Variants in C4B observed in about 807,000 individuals in gnomAD.
C4B encodes complement C4-B.
C4B carries 6 observed loss-of-function variants against 46.2 expected under a neutral mutation model. The ratio of observed to expected loss-of-function variants is 0.13; its 90% CI spans 0.07 to 0.26. The LOEUF (loss-of-function observed/expected upper bound fraction) is 0.26, where lower values mean the gene tolerates loss of function less well. Among genes scored for constraint, C4B ranks in the 10% least tolerant of loss-of-function variants. The probability of loss-of-function intolerance (pLI) is 1.00; values close to 1 mark genes in which losing one functional copy is unlikely to be tolerated. For synonymous variants in C4B, 61 were observed against 240.1 expected, an observed-to-expected ratio of 0.25 and a Z score of 6.90; for missense variants, 119 against 560.9, an observed-to-expected ratio of 0.21 and a Z score of 7.96.
chr6:32,028,287 G>A lies in C4B; in HGVS notation c.3154+10G>A, dbSNP rs1451757727. 1.8e-6 allele frequency: 1 copy of A among 550,750 alleles called. No homozygotes were observed. Among genetic ancestry groups the A allele is most frequent in the South Asian group, 1.8e-5 (1 of 55,390 alleles). 34.1% of individuals were successfully genotyped at this position (550,750 alleles called of 1,614,324 possible). ...GATCTGATCCAGAAAGGTTCTGGGT[G>A]CAAGGGCAAGCAGGAGGGGGGCCAG... On this transcript the variant is annotated intron_variant, in intron 24 of 40. Coordinates refer to ENST00000435363, the MANE Select transcript of C4B (RefSeq NM_001002029.4).
In C4B at chr6:32,029,290, C is replaced by T. The variant is rs747039149; in HGVS notation, c.3628C>T (p.Arg1210Trp). The change falls in exon 28 of 41, where the codon CGG becomes TGG. Residue 1210 changes from arginine (R) to tryptophan (W), a missense_variant. Physicochemically the swap from Arg to Trp is moderately radical, Grantham distance 101. Coordinates refer to ENST00000435363, the MANE Select transcript of C4B (RefSeq NM_001002029.4). ...ACTGACCAAGGCCCCTGCGGACCTGCGGGGTGTTGCCCACAACAACCTCAT... is the reference window on the plus strand; with the variant it reads ...ACTGACCAAGGCCCCTGCGGACCTGTGGGGTGTTGCCCACAACAACCTCAT... ...LTLTKAPADL[R>W]GVAHNNLMAM... The T allele has an allele frequency of 3.9e-5, 61 of 1,566,878 alleles. 8 individuals are homozygous for T. The highest frequency in any genetic ancestry group is 6.8e-5 in the East Asian group (3 of 43,934).
At position 32,029,880 on chromosome 6, in the gene C4B, G is replaced by A. The variant is rs753436918; in HGVS notation, c.3910-1G>A. On this transcript the variant is annotated splice_acceptor_variant, in intron 29 of 40. Coordinates refer to ENST00000435363, the MANE Select transcript of C4B (RefSeq NM_001002029.4). LOFTEE classifies it high-confidence loss of function. ...CTTGAGTCCTGGCTCAACCTCCCTAGGACACGGTGATTGCCCTGGATGCCC... is the reference window on the plus strand; with the variant it reads ...CTTGAGTCCTGGCTCAACCTCCCTAAGACACGGTGATTGCCCTGGATGCCC... 1 of 1,583,266 alleles carries A rather than the reference G, an allele frequency of 6.3e-7. No individual in the cohort carries two copies. Among genetic ancestry groups the A allele is most frequent in the Non-Finnish European group, 8.6e-7 (1 of 1,162,134 alleles).
At chr6:32,028,382 G>C in intron 24 of C4B, 75 bp from the exon 25 acceptor site, 1 of 1,245,484 alleles carries the variant, frequency 8.0e-7, no homozygotes. Context: ...CCCCTGATGA[G>C]GATGGGGAGC....
chr6:32,029,089 G>A, intron 27 of C4B, 28 bp downstream of exon 27: 1 of 1,570,664 alleles, frequency 6.4e-7, no homozygotes, highest in Non-Finnish European at 8.7e-7. Context: ...TCTGCCCTCT[G>A]CTGGCCCCCA....
At position 32,029,230 on chromosome 6, in the gene C4B, G is replaced by A. The variant is rs1198543060; in HGVS notation, c.3568G>A (p.Ala1190Thr). The A allele has an allele frequency of 6.9e-6, 11 of 1,591,234 alleles. 1 individual carries two copies. The highest frequency in any genetic ancestry group is 8.6e-6 in the Non-Finnish European group (10 of 1,163,038). The change falls in exon 28 of 41, where the codon GCC becomes ACC. Residue 1190 changes from alanine to threonine, a missense_variant. By Grantham distance (58) the Ala-to-Thr change is moderately conservative. Coordinates refer to ENST00000435363, the MANE Select transcript of C4B (RefSeq NM_001002029.4). ...GEKASAGLLG[A>T]HAAAITAYAL... is the part of the protein sequence containing the mutation. ...GAAAGCAAGTGCTGGGCTCCTGGGT[G>A]CCCACGCAGCTGCCATCACGGCCTA...
rs760969836 is a variant in C4B, at chr6:32,028,437, G to T, written c.3155-20G>T. 2.0e-6 allele frequency: 3 copies of T among 1,499,520 alleles called. No homozygotes were observed. In the South Asian group the frequency reaches 3.5e-5, roughly 17 times the overall value. The allele number at this position is 1,499,520 out of a possible 1,614,324, so 92.9% of individuals were successfully genotyped here. A position where few individuals can be genotyped will look rare whatever the true frequency, so the allele number is the denominator to read the frequency against. On this transcript the variant is annotated intron_variant, in intron 24 of 40. Coordinates refer to ENST00000435363, the MANE Select transcript of C4B (RefSeq NM_001002029.4). ...GCAGAAGGGTGAGTGTCACCTGAGC[G>T]GCCACCTCTCCTCTCCAAGGCTACA...
In C4B at chr6:32,029,217, T is replaced by A. The variant is rs774023468; in HGVS notation, c.3555T>A (p.Ala1185=). The A allele has an allele frequency of 1.9e-6, 3 of 1,591,676 alleles. No individual in the cohort carries two copies. The highest frequency in any genetic ancestry group is 2.7e-5 in the African/African-American group (2 of 73,808). The change falls in exon 28 of 41, where the codon GCT becomes GCA. Residue 1185 remains alanine (A), a synonymous_variant. Transcript: ENST00000435363. The stretch of plus-strand genomic sequence containing the variant: ...CATTTTTGGGGGAGAAAGCAAGTGC[T>A]GGGCTCCTGGGTGCCCACGCAGCTG... ...ASSFLGEKAS[A]GLLGAHAAAI...
chr6:32,028,584 G>C lies in C4B; in HGVS notation c.3230+52G>C, dbSNP rs766096753. The C allele has an allele frequency of 7.3e-6, 11 of 1,497,216 alleles. No individual in the cohort carries two copies. The Admixed American group carries it at 2.0e-4, about 27-fold the overall frequency. 92.7% of individuals were successfully genotyped at this position (1,497,216 alleles called of 1,614,324 possible). On this transcript the variant is annotated intron_variant, in intron 25 of 40. Coordinates refer to ENST00000435363, the MANE Select transcript of C4B (RefSeq NM_001002029.4). ...TTCTGAGGGGGTCAGGGCTGGGGCA[G>C]GGGTGGGACAGAGCTGGTATGATGG...
rs1138376 is a variant in C4B, at chr6:32,029,292, G to C, written c.3630G>C (p.Arg1210=). The C allele has an allele frequency of 1.7e-4, 269 of 1,566,316 alleles. 56 individuals are homozygous for C. The highest frequency in any genetic ancestry group is 8.2e-4 in the East Asian group (36 of 43,858). ...TGACCAAGGCCCCTGCGGACCTGCG[G>C]GGTGTTGCCCACAACAACCTCATGG... is the stretch of plus-strand genomic sequence containing the variant. ...LTLTKAPADL[R]GVAHNNLMAM... Residue 1210 remains arginine, a synonymous_variant, in exon 28 of 41, where the codon CGG becomes CGC. Transcript: ENST00000435363.
At position 32,029,249 on chromosome 6, in the gene C4B, C is replaced by T. The variant is rs1479113081; in HGVS notation, c.3587C>T (p.Thr1196Met). Residue 1196 changes from threonine to methionine, a missense_variant, in exon 28 of 41, where the codon ACG (threonine) becomes ATG (methionine). Coordinates refer to ENST00000435363, the MANE Select transcript of C4B (RefSeq NM_001002029.4). ...GLLGAHAAAI[T>M]AYALTLTKAP... ...CTGGGTGCCCACGCAGCTGCCATCACGGCCTATGCCCTGACACTGACCAAG... is the reference window on the plus strand; with the variant it reads ...CTGGGTGCCCACGCAGCTGCCATCATGGCCTATGCCCTGACACTGACCAAG... 6.3e-6 allele frequency: 10 copies of T among 1,586,848 alleles called. 1 individual carries two copies. Among genetic ancestry groups the T allele is most frequent in the African/African-American group, 1.4e-5 (1 of 73,626 alleles).
In C4B at chr6:32,029,346, G is replaced by A. The variant is rs765642254; in HGVS notation, c.3676+8G>A. ...TGGCCCAGGAGACTGGAGGTGAGGG[G>A]TGAGGGGCTCTGGCAGTGAGCCTGA... On this transcript the variant is annotated splice_region_variant and intron_variant, in intron 28 of 40. Coordinates refer to ENST00000435363, the MANE Select transcript of C4B (RefSeq NM_001002029.4). The A allele has an allele frequency of 1.2e-5, 19 of 1,532,946 alleles. 2 individuals carry two copies. In the Admixed American group the frequency reaches 3.5e-4, roughly 28 times the overall value. 95.0% of individuals were successfully genotyped at this position (1,532,946 alleles called of 1,614,324 possible). A position where few individuals can be genotyped will look rare whatever the true frequency, so the allele number is the denominator to read the frequency against.
Position 32,028,809 on chromosome 6 carries a change from C to G in C4B, c.3347C>G (p.Ser1116Trp), listed in dbSNP as rs767540386. 3 of 1,561,948 alleles carry G rather than the reference C, an allele frequency of 1.9e-6. No homozygotes were observed. The highest frequency in any genetic ancestry group is 2.3e-5 in the East Asian group (1 of 43,702). Residue 1116 changes from serine to tryptophan, a missense_variant, in exon 26 of 41, where the codon TCG (serine) becomes TGG (tryptophan). Physicochemically the swap from Ser to Trp is radical, Grantham distance 177. Coordinates refer to ENST00000435363, the MANE Select transcript of C4B (RefSeq NM_001002029.4). ...CTGTCCCAGCAGCAGGCTGACGGCT[C>G]GTTCCAGGACCTCTCTCCAGTGATA... is the stretch of plus-strand genomic sequence containing the variant. ...WLLSQQQADG[S>W]FQDLSPVIHR...
intron 25 of C4B, 47 bp downstream of exon 25, chr6:32,028,579 G>A (rs1775711289): frequency 6.7e-7 from 1 of 1,503,236 alleles, no homozygotes; most frequent in Non-Finnish European, 9.1e-7. Context: ...GTCAGGGCTG[G>A]GGCAGGGGTG....
chr6:32,027,528 AG>A, intron 21 of C4B, 83 bp downstream of exon 21: 3 of 555,228 alleles, frequency 5.4e-6, no homozygotes, highest in Non-Finnish European at 8.0e-6. Flanking sequence ...TGGCCAGGCC[AG>A]GGGCCCAACA....
Position 32,028,471 on chromosome 6 carries a change from C to A in C4B, c.3169C>A (p.Gln1057Lys). Residue 1057 changes from glutamine to lysine, a missense_variant, in exon 25 of 41, where the codon CAG becomes AAG. Physicochemically the swap from Gln to Lys is moderately conservative, Grantham distance 53. Coordinates refer to ENST00000435363, the MANE Select transcript of C4B (RefSeq NM_001002029.4). Reference protein sequence around the residue: ...DLIQKGYMRIQQFRKADGSYA... With the variant: ...DLIQKGYMRIKQFRKADGSYA... ...TCCTCTCCAAGGCTACATGCGGATCCAGCAGTTTCGGAAGGCGGATGGTTC... is the reference window on the plus strand; with the variant it reads ...TCCTCTCCAAGGCTACATGCGGATCAAGCAGTTTCGGAAGGCGGATGGTTC... The A allele has an allele frequency of 6.5e-7, 1 of 1,526,968 alleles. No individual in the cohort carries two copies. The highest frequency in any genetic ancestry group is 8.9e-7 in the Non-Finnish European group (1 of 1,119,326). The allele number at this position is 1,526,968 out of a possible 1,614,324, so 94.6% of individuals were successfully genotyped here. A position where few individuals can be genotyped will look rare whatever the true frequency, so the allele number is the denominator to read the frequency against.
rs1243730059 is a variant in C4B, at chr6:32,028,734, A to C, written c.3272A>C (p.Glu1091Ala). Residue 1091 changes from glutamate to alanine, a missense_variant, in exon 26 of 41, where the codon GAG becomes GCG. By Grantham distance (107) the Glu-to-Ala change is moderately radical (BLOSUM62 -1). Coordinates refer to ENST00000435363, the MANE Select transcript of C4B (RefSeq NM_001002029.4). The stretch of plus-strand genomic sequence containing the variant: ...TTGAAGGTCCTGAGTTTGGCCCAGG[A>C]GCAGGTAGGAGGCTCGCCTGAGAAA... ...FVLKVLSLAQEQVGGSPEKLQ... is the reference protein window; with the variant it reads ...FVLKVLSLAQAQVGGSPEKLQ... The C allele has an allele frequency of 9.7e-6, 15 of 1,552,464 alleles. No individual in the cohort carries two copies. The highest frequency in any genetic ancestry group is 1.3e-5 in the Non-Finnish European group (15 of 1,139,982).
In C4B at chr6:32,029,229, T is replaced by C; in HGVS notation, c.3567T>C (p.Gly1189=). ...LGEKASAGLL[G]AHAAAITAYA... is the part of the protein sequence containing the mutation. ...AGAAAGCAAGTGCTGGGCTCCTGGG[T>C]GCCCACGCAGCTGCCATCACGGCCT... Residue 1189 remains glycine (G), a synonymous_variant, in exon 28 of 41, where the codon GGT becomes GGC. Coordinates refer to ENST00000435363, the MANE Select transcript of C4B (RefSeq NM_001002029.4). 1.3e-6 allele frequency: 2 copies of C among 1,591,188 alleles called. No individual in the cohort carries two copies. The highest frequency in any genetic ancestry group is 1.7e-6 in the Non-Finnish European group (2 of 1,162,972).
chr6:32,029,402 G>A (rs1775771894), intron 28 of C4B, 64 bp downstream of exon 28: 4 of 1,544,796 alleles, frequency 2.6e-6, no homozygotes, highest in Non-Finnish European at 2.6e-6. Context: ...CCCTGAGTGT[G>A]CCCAGAGGGA....
chr6:32,029,084 C>G, intron 27 of C4B, 23 bp downstream of exon 27: 1 of 1,566,186 alleles, frequency 6.4e-7, no homozygotes. Context: ...GCGTTTCTGC[C>G]CTCTGCTGGC....
Sources: allele counts gnomAD v4.1 joint callset, GRCh38; gene constraint gnomAD v4.1.1; transcripts MANE v1.5; gene names NCBI Gene and HGNC (gene_info 2026-07-23, HGNC 2026-07-21).